Variants in COA8 observed in about 807,000 individuals in gnomAD.
The protein encoded by COA8 is cytochrome c oxidase assembly factor 8.
In COA8, 20 loss-of-function variants were observed where a neutral mutation model predicts 22.0. That is an observed-to-expected ratio of 0.91 (90% CI 0.64 to 1.32). The LOEUF is 1.32. COA8 is among the 40% of genes most tolerant of loss of function. The pLI, the probability that COA8 is intolerant of heterozygous loss-of-function variation, is 0.00. For missense variants in COA8, 266 were observed against 230.0 expected (o/e 1.16, Z -1.01); for synonymous variants, 105 against 79.9 (o/e 1.31, Z -1.68).
At chr14:103,575,513 C>T (rs529079990) in intron 3 of COA8, among the ~76,000 whole-genome samples, 131 of 152,172 alleles carry the variant, frequency 8.6e-4, no homozygotes, top group African/African-American at 3.1e-3. Flanking sequence ...TCACCTTGGG[C>T]CAGAGCACAT....
At chr14:103,574,255 G>C (rs1341023599) in intron 3 of COA8, 85 bp downstream of exon 3, 2 of 1,584,970 alleles carry the variant, frequency 1.3e-6, no homozygotes, top group South Asian at 1.1e-5. Context: ...CGGTGAGAGA[G>C]GTGGGGAAGT....
At chr14:103,564,044 T>A (rs1246512502) in intron 1 of COA8, among the ~76,000 whole-genome samples, 1 of 151,686 alleles carries the variant, frequency 6.6e-6, no homozygotes, top group Non-Finnish European at 1.5e-5. Flanking sequence ...ACCCAGCTAC[T>A]CGGGAGGATG....
chr14:103,566,865 A>G (rs1300657708), intron 1 of COA8, among the ~76,000 whole-genome samples: 1 of 152,226 alleles, frequency 6.6e-6, no homozygotes, highest in Non-Finnish European at 1.5e-5. Context: ...TTGGGCACCT[A>G]ACTTCTGAGA....
At chr14:103,579,798 A>C (rs1037091101) in intron 3 of COA8, among the ~76,000 whole-genome samples, 1 of 151,382 alleles carries the variant, frequency 6.6e-6, no homozygotes, top group Non-Finnish European at 1.5e-5. Context: ...TCCCGTCTAT[A>C]CTAAAGACAC....
At chr14:103,569,563 C>T (rs570406093) in intron 1 of COA8, among the ~76,000 whole-genome samples, 132 of 152,282 alleles carry the variant, frequency 8.7e-4, no homozygotes, top group African/African-American at 3.0e-3. Flanking sequence ...CAGAAAAGAG[C>T]GGGTGCAGCC....
Position 103,590,481 on chromosome 14 carries a change from C to T in COA8, c.*195C>T. On this transcript the variant is annotated 3_prime_UTR_variant, in exon 5 of 5. Coordinates refer to ENST00000409074, the MANE Select transcript of COA8 (RefSeq NM_001370595.2). ...CTGCCTGCTGATGTGGGCTCTAGGC[C>T]AGCTTGTTGTCACGTACGTGGTGTG... 3.6e-6 allele frequency: 2 copies of T among 548,824 alleles called. No homozygotes were observed. Among genetic ancestry groups the T allele is most frequent in the East Asian group, 6.2e-5 (2 of 32,070 alleles). The allele number at this position is 548,824 out of a possible 1,614,324, so 34.0% of individuals were successfully genotyped here.
intron 3 of COA8, chr14:103,574,832 G>A: frequency 8.3e-6 from 2 of 239,642 alleles, no homozygotes; most frequent in African/African-American, 2.3e-5. Context: ...AGCAGATGCT[G>A]CATCCAGCAG....
In COA8 at chr14:103,575,426, A is replaced by G. The variant is rs944503810; in HGVS notation, c.385+1256A>G. Reference sequence around the variant, plus strand: ...GATGTGTTAAGGAAGGGAAACATACAGGGAGCTGCCTGCTCTGGCAGCTGT... The same window carrying G: ...GATGTGTTAAGGAAGGGAAACATACGGGGAGCTGCCTGCTCTGGCAGCTGT... On this transcript the variant is annotated intron_variant, in intron 3 of 4. Coordinates refer to ENST00000409074, the MANE Select transcript of COA8 (RefSeq NM_001370595.2). Among the ~76,000 whole-genome samples the G allele has an allele frequency of 5.3e-5, 8 of 152,224 alleles. No individual in the cohort carries two copies. The East Asian group carries it at 1.2e-3, about 22-fold the overall frequency.
rs2076213218 is a variant in COA8, at chr14:103,574,186, T to A, written c.385+16T>A. On this transcript the variant is annotated intron_variant, in intron 3 of 4. Transcript: ENST00000409074. ...ACTGAATCAGGTTAGTGTGTTTGTTTGATTGTTTTTTTTGCTTTCTTTGCG... is the reference window on the plus strand; with the variant it reads ...ACTGAATCAGGTTAGTGTGTTTGTTAGATTGTTTTTTTTGCTTTCTTTGCG... 1.2e-6 allele frequency: 2 copies of A among 1,612,682 alleles called. No individual in the cohort carries two copies. Among genetic ancestry groups the A allele is most frequent in the Non-Finnish European group, 1.7e-6 (2 of 1,179,612 alleles).
chr14:103,578,336 C>T (rs1218965537), intron 3 of COA8, among the ~76,000 whole-genome samples: 1 of 152,220 alleles, frequency 6.6e-6, no homozygotes, highest in African/African-American at 2.4e-5. Flanking sequence ...TACGCACTTA[C>T]TGGCCTTCAC....
At chr14:103,584,821 G>C (rs2076293530) in intron 3 of COA8, among the ~76,000 whole-genome samples, 1 of 152,142 alleles carries the variant, frequency 6.6e-6, no homozygotes, top group African/African-American at 2.4e-5. Flanking sequence ...AGAAATTCCT[G>C]TTTAAATCCT....
At chr14:103,576,037 G>T (rs1010105062) in intron 3 of COA8, among the ~76,000 whole-genome samples, 2 of 151,948 alleles carry the variant, frequency 1.3e-5, no homozygotes, top group East Asian at 3.9e-4. Context: ...GCCGGGCGCG[G>T]TGGTTCACGC....
intron 1 of COA8, among the ~76,000 whole-genome samples, chr14:103,565,974 T>G (rs1402036530): frequency 6.6e-6 from 1 of 152,174 alleles, no homozygotes; most frequent in African/African-American, 2.4e-5. Context: ...CCTGTTTCCG[T>G]GGATTGTTTA....
At position 103,581,198 on chromosome 14, in the gene COA8, T is replaced by C. The variant is rs866952000; in HGVS notation, c.386-6076T>C. On this transcript the variant is annotated intron_variant, in intron 3 of 4. Coordinates refer to ENST00000409074, the MANE Select transcript of COA8 (RefSeq NM_001370595.2). The surrounding 1 kb of genome is among the most constrained non-coding windows in gnomAD (Gnocchi z 4.1). ...CCTATCGATACCAAGGGACAACTTT[T>C]CATTTTTAGCTATGATAAAGTTTAT... 2.0e-5 allele frequency among the ~76,000 whole-genome samples: 3 copies of C among 152,164 alleles called. No individual in the cohort carries two copies. Among genetic ancestry groups the C allele is most frequent in the African/African-American group, 7.2e-5 (3 of 41,444 alleles).
chr14:103,563,196 C>T (rs1438658932), intron 1 of COA8, 72 bp downstream of exon 1: 1 of 1,520,292 alleles, frequency 6.6e-7, no homozygotes, highest in Admixed American at 2.0e-5. Flanking sequence ...GCCTCGGGGC[C>T]ACTCCCTGTT....
Position 103,571,637 on chromosome 14 carries a change from C to T in COA8, c.138C>T (p.Cys46=). ...DTAPSGVSRF[C]PPRKSCHDWI... ...CTTTGTTAAAGGTCTCAAGATTCTG[C>T]CCTCCAAGAAAGTCTTGCCATGATT... is the stretch of plus-strand genomic sequence containing the variant. The change falls in exon 2 of 5, where the codon TGC becomes TGT. Residue 46 remains cysteine (C), a synonymous_variant. Coordinates refer to ENST00000409074, the MANE Select transcript of COA8 (RefSeq NM_001370595.2). 1 of 1,613,896 alleles carries T rather than the reference C, an allele frequency of 6.2e-7. No individual in the cohort carries two copies.
Position 103,582,477 on chromosome 14 carries a change from G to A in COA8, c.386-4797G>A, listed in dbSNP as rs189631001. Among the ~76,000 whole-genome samples the A allele has an allele frequency of 5.3e-5, 8 of 152,306 alleles. No homozygotes were observed. In the East Asian group the frequency reaches 1.4e-3, roughly 26 times the overall value. On this transcript the variant is annotated intron_variant, in intron 3 of 4. Transcript: ENST00000409074. ...TGTGTAAACAGCCCCACCAGCACGC[G>A]GGGCTGGAGTAGTCAGGCCGGGACC... is the stretch of plus-strand genomic sequence containing the variant.
At chr14:103,582,886 C>T (rs1330461232) in intron 3 of COA8, among the ~76,000 whole-genome samples, 1 of 152,022 alleles carries the variant, frequency 6.6e-6, no homozygotes, top group African/African-American at 2.4e-5. Flanking sequence ...CAAGAAGAAA[C>T]CCCACACCCA....
chr14:103,568,462 TAC>T (rs2076151800), intron 1 of COA8, among the ~76,000 whole-genome samples: 1 of 151,280 alleles, frequency 6.6e-6, no homozygotes, highest in Non-Finnish European at 1.5e-5. Context: ...CATACATACA[TAC>T]ATACACACAC....
Sources: gnomAD v4.1 joint callset for allele counts (sites outside exome capture counted in the v4.1 genomes callset) on GRCh38, gnomAD v4.1.1 for gene constraint, Gnocchi (gnomAD v3.1) non-coding constraint, MANE v1.5 for transcripts, NCBI Gene and HGNC (gene_info 2026-07-23, HGNC 2026-07-21) for gene names.